The following DPF3 variants were observed in gnomAD, a reference collection of about 807,000 sequenced individuals.
The protein encoded by DPF3 is double PHD fingers 3.
Under a neutral mutation model 56.8 loss-of-function variants are expected in DPF3, and 18 were observed. The observed-to-expected ratio is 0.32, with a 90% confidence interval of 0.22 to 0.47. The LOEUF is 0.47. Ranked by LOEUF, DPF3 falls within the 20% of genes least tolerant of loss-of-function variation. The pLI, the probability that DPF3 is intolerant of heterozygous loss-of-function variation, is 1.00. For synonymous variants in DPF3, 188 were observed against 180.2 expected (o/e 1.04, Z -0.35); for missense variants, 403 against 488.8 (o/e 0.82, Z 1.65).
rs753901982 is a variant in DPF3, at chr14:72,677,360, A to T, written c.743-2992T>A. 7.1e-4 allele frequency among the ~76,000 whole-genome samples: 108 copies of T among 152,132 alleles called. 2 individuals carry two copies. Among genetic ancestry groups the T allele is most frequent in the Admixed American group, 2.3e-3 (35 of 15,282 alleles). On this transcript the variant is annotated intron_variant, in intron 7 of 10. Transcript: ENST00000556509. ...AATGGACTAATTGCTTATGCACCTG[A>T]TTTTCTTAAACATTTTGGTACTTGG...
intron 2 of DPF3, among the ~76,000 whole-genome samples, chr14:72,756,860 GA>G (rs1567222905): frequency 1.9e-5 from 2 of 106,816 alleles, no homozygotes; most frequent in African/African-American, 7.3e-5. Flanking sequence ...AAGAAAGAAA[GA>G]AAGAAAGAAA....
At chr14:72,689,732 G>A (rs983907211) in intron 7 of DPF3, among the ~76,000 whole-genome samples, 13 of 152,198 alleles carry the variant, frequency 8.5e-5, no homozygotes, top group African/African-American at 3.1e-4. Context: ...TCGGGGCGGC[G>A]AGCAAGTCAG....
At chr14:72,671,805 A>C (rs926239215) in intron 8 of DPF3, among the ~76,000 whole-genome samples, 1 of 152,200 alleles carries the variant, frequency 6.6e-6, no homozygotes, top group South Asian at 2.1e-4. Context: ...AACCCATTCA[A>C]GGTGGTTAAG....
intron 6 of DPF3, among the ~76,000 whole-genome samples, chr14:72,709,366 A>G (rs946941557): frequency 6.6e-6 from 1 of 152,214 alleles, no homozygotes; most frequent in African/African-American, 2.4e-5. Flanking sequence ...TCACTAATCT[A>G]GCCTAATGCC....
chr14:72,659,081 T>A (rs1008611347), intron 8 of DPF3, among the ~76,000 whole-genome samples: 7 of 152,016 alleles, frequency 4.6e-5, no homozygotes, highest in Non-Finnish European at 8.8e-5. Flanking sequence ...GGCTGCCCCA[T>A]TGGAAGCACA....
intron 5 of DPF3, among the ~76,000 whole-genome samples, chr14:72,717,866 A>C (rs142229894): frequency 1.7e-3 from 266 of 152,206 alleles, no homozygotes; most frequent in Middle Eastern, 6.8e-3. Context: ...TGCCCACCCT[A>C]CTTCATTCCT....
At chr14:72,795,290 AAAAAAATATATATAT>A (rs1392154457) in intron 1 of DPF3, among the ~76,000 whole-genome samples, 5 of 132,918 alleles carry the variant, frequency 3.8e-5, no homozygotes, top group Non-Finnish European at 8.3e-5. Flanking sequence ...AAAAAAAAAA[AAAAAAATATATATAT>A]ATATATATAT....
rs58359116 is a variant in DPF3 at position 72,630,935 on chromosome 14, C to T, written c.872-1199G>A. Among the ~76,000 whole-genome samples, 1,041 of 152,316 alleles carry T rather than the reference C, an allele frequency of 6.8e-3. 9 individuals are homozygous for T. The highest frequency in any genetic ancestry group is 0.024 in the African/African-American group (1,002 of 41,564). On this transcript the variant is annotated intron_variant, in intron 8 of 10. Transcript: ENST00000556509. ...AGCACCGCCAACCTAGTATCCTCCACAGACAGGATCCCCCATGGCGCCACC... is the reference window on the plus strand; with the variant it reads ...AGCACCGCCAACCTAGTATCCTCCATAGACAGGATCCCCCATGGCGCCACC...
chr14:72,703,114 C>T (rs187694519), intron 6 of DPF3, among the ~76,000 whole-genome samples: 1 of 152,194 alleles, frequency 6.6e-6, no homozygotes, highest in African/African-American at 2.4e-5. Context: ...ATCTCCTCAA[C>T]TGTGATAGGA....
At chr14:72,651,658 T>C (rs950720972) in intron 8 of DPF3, among the ~76,000 whole-genome samples, 2 of 151,928 alleles carry the variant, frequency 1.3e-5, no homozygotes, top group African/African-American at 4.8e-5. Context: ...GGAATCTCCT[T>C]TGAAGTAGTA....
chr14:72,724,764 A>G (rs539115574), intron 4 of DPF3, among the ~76,000 whole-genome samples: 39 of 149,650 alleles, frequency 2.6e-4, no homozygotes, highest in African/African-American at 9.1e-4. Flanking sequence ...GCTGGAGTGC[A>G]GTGGCACAAT....
chr14:72,722,410 G>A (rs1032447531), intron 5 of DPF3, among the ~76,000 whole-genome samples: 1 of 152,198 alleles, frequency 6.6e-6, no homozygotes, highest in East Asian at 1.9e-4. Context: ...TGCAGCGGCC[G>A]CCTGGGAACT....
intron 3 of DPF3, among the ~76,000 whole-genome samples, chr14:72,735,142 G>A (rs1424380444): frequency 6.6e-6 from 1 of 152,086 alleles, no homozygotes; most frequent in Non-Finnish European, 1.5e-5. Context: ...GTCCTTCCTT[G>A]AAAAGTCTTT....
intron 1 of DPF3, among the ~76,000 whole-genome samples, chr14:72,887,682 A>G (rs914683323): frequency 1.8e-4 from 3 of 16,574 alleles, no homozygotes; most frequent in African/African-American, 3.4e-4. Context: ...GACAAGGAAT[A>G]TGCGGCTCAA....
chr14:72,678,370 G>A (rs759475763), intron 7 of DPF3, among the ~76,000 whole-genome samples: 36 of 152,112 alleles, frequency 2.4e-4, no homozygotes, highest in African/African-American at 8.0e-4. Context: ...TATTGAGACC[G>A]GCCTGATAAA....
At position 72,882,486 on chromosome 14, in the gene DPF3, GA is replaced by G. The variant is rs538805877; in HGVS notation, c.32+11570del. On this transcript the variant is annotated intron_variant, in intron 1 of 10. Coordinates refer to ENST00000556509, the MANE Select transcript of DPF3 (RefSeq NM_001280542.3). ...ATATAATCAAGAGAAATGATTGGGG[GA>G]AAGTGTTTTTTTCTCCTCCATAGAA... is the stretch of plus-strand genomic sequence containing the variant. Among the ~76,000 whole-genome samples, 3 of 152,206 alleles carry G rather than the reference GA, an allele frequency of 2.0e-5. No individual in the cohort carries two copies. In the South Asian group the frequency reaches 6.2e-4, roughly 32 times the overall value.
At chr14:72,661,553 A>G in intron 8 of DPF3, 1 of 985,484 alleles carries the variant, frequency 1.0e-6, no homozygotes, top group Non-Finnish European at 1.2e-6. Context: ...TCAGCCAGTC[A>G]GCCCTGCACC....
At chr14:72,752,078 C>A (rs1413949510) in intron 3 of DPF3, among the ~76,000 whole-genome samples, 1 of 152,196 alleles carries the variant, frequency 6.6e-6, no homozygotes, top group Non-Finnish European at 1.5e-5. Flanking sequence ...GTAGGTAGAG[C>A]TTTTGCAGAG....
chr14:72,802,890 G>T (rs868286800), intron 1 of DPF3, among the ~76,000 whole-genome samples: 2 of 151,990 alleles, frequency 1.3e-5, no homozygotes, highest in African/African-American at 4.8e-5. Flanking sequence ...CAGCTATCAC[G>T]CCACCCTTCA....
Sources: allele counts gnomAD v4.1 joint callset (sites outside exome capture counted in the v4.1 genomes callset), GRCh38; gene constraint gnomAD v4.1.1; transcripts MANE v1.5; gene names NCBI Gene and HGNC (gene_info 2026-07-23, HGNC 2026-07-21).